Variants in ZWILCH observed in about 807,000 individuals in gnomAD.
The protein encoded by ZWILCH is zwilch kinetochore protein, also known as protein zwilch homolog.
A neutral mutation model predicts 79.9 loss-of-function variants in ZWILCH; 74 were observed. The observed-to-expected ratio is 0.93, with a 90% CI of 0.77 to 1.12. The LOEUF (loss-of-function observed/expected upper bound fraction) is 1.12, where lower values mean the gene tolerates loss of function less well. Among genes scored for constraint, ZWILCH ranks in the 50% most tolerant of loss-of-function variants. ZWILCH has a pLI of 0.00. For synonymous variants in ZWILCH, 241 were observed against 228.2 expected (o/e 1.06, Z -0.51); for missense variants, 694 against 687.5 (o/e 1.01, Z -0.11).
At chr15:66,511,698 C>T (rs1894073270) in intron 2 of ZWILCH, among the ~76,000 whole-genome samples, 1 of 151,970 alleles carries the variant, frequency 6.6e-6, no homozygotes, top group Non-Finnish European at 1.5e-5. Flanking sequence ...TTCACTGTAC[C>T]TCTGCCTCCC....
In ZWILCH at chr15:66,508,903, T is replaced by A. The variant is rs746605701; in HGVS notation, c.105+11T>A. 1 of 1,612,920 alleles carries A rather than the reference T, an allele frequency of 6.2e-7. No homozygotes were observed. The highest frequency in any genetic ancestry group is 1.7e-5 in the Admixed American group (1 of 59,710). ...CCATTTCTCTATGAGGTATGAACAATTTGGTTTTTAAACACAACTCTAATC... is the reference window on the plus strand; with the variant it reads ...CCATTTCTCTATGAGGTATGAACAAATTGGTTTTTAAACACAACTCTAATC... On this transcript the variant is annotated intron_variant, in intron 2 of 18. Transcript: ENST00000307897.
chr15:66,512,019 C>G (rs544249579), intron 2 of ZWILCH, among the ~76,000 whole-genome samples: 1 of 152,030 alleles, frequency 6.6e-6, no homozygotes, highest in South Asian at 2.1e-4. Context: ...AGGTATTAAT[C>G]TTAAGAAAAT....
intron 13 of ZWILCH, 61 bp downstream of exon 13, chr15:66,532,464 T>G (rs1894886399): frequency 2.8e-6 from 4 of 1,435,040 alleles, no homozygotes; most frequent in Non-Finnish European, 2.8e-6. Flanking sequence ...GTCACAGATA[T>G]TCTCGGATTT....
chr15:66,546,737 A>G, intron 18 of ZWILCH, 32 bp downstream of exon 18: 1 of 1,275,686 alleles, frequency 7.8e-7, no homozygotes, highest in South Asian at 1.4e-5. Context: ...TCTCTTTGTC[A>G]AATACTTTGT....
chr15:66,532,378 G>A lies in ZWILCH; in HGVS notation c.1287G>A (p.Lys429=). Residue 429 remains lysine (K), a synonymous_variant, in exon 13 of 19, where the codon AAG becomes AAA. Coordinates refer to ENST00000307897, the MANE Select transcript of ZWILCH (RefSeq NM_017975.5). ...MLLEIGLDKL[K]KDYISFFIGQ... ...TGGAAATTGGTTTGGACAAACTAAAGAAAGATTATATCAGTTTTTTCATAG... is the reference window on the plus strand; with the variant it reads ...TGGAAATTGGTTTGGACAAACTAAAAAAAGATTATATCAGTTTTTTCATAG... The A allele has an allele frequency of 6.2e-7, 1 of 1,608,442 alleles. No individual in the cohort carries two copies. The highest frequency in any genetic ancestry group is 1.1e-5 in the South Asian group (1 of 89,824).
intron 16 of ZWILCH, 31 bp from the exon 17 acceptor site, chr15:66,540,067 T>A (rs753951567): frequency 6.4e-7 from 1 of 1,558,136 alleles, no homozygotes; most frequent in South Asian, 1.1e-5. Flanking sequence ...TTTTTGAAAA[T>A]TTTTCTTTTG....
chr15:66,517,029 A>G (rs1894288299), intron 4 of ZWILCH, among the ~76,000 whole-genome samples: 1 of 152,138 alleles, frequency 6.6e-6, no homozygotes, highest in Non-Finnish European at 1.5e-5. Flanking sequence ...AATCCCCTAG[A>G]AATTTTTTTC....
chr15:66,522,546 G>A (rs781712439), intron 7 of ZWILCH, among the ~76,000 whole-genome samples: 7 of 151,836 alleles, frequency 4.6e-5, no homozygotes, highest in Non-Finnish European at 8.8e-5. Context: ...CACCATGTTG[G>A]CCAGGCTGGT....
chr15:66,536,240 C>T (rs1308284558), intron 15 of ZWILCH, among the ~76,000 whole-genome samples, 171 bp downstream of exon 15: 1 of 152,168 alleles, frequency 6.6e-6, no homozygotes, highest in Non-Finnish European at 1.5e-5. Context: ...GCTTTGGATT[C>T]AAAAGGAATC....
At chr15:66,543,035 C>A (rs1007470392) in intron 17 of ZWILCH, among the ~76,000 whole-genome samples, 3 of 151,926 alleles carry the variant, frequency 2.0e-5, no homozygotes, top group African/African-American at 7.3e-5. Flanking sequence ...TAGTACCCAT[C>A]AAAATTGTAA....
chr15:66,508,744 AG>A, intron 1 of ZWILCH, 96 bp from the exon 2 acceptor site: 2 of 1,554,318 alleles, frequency 1.3e-6, no homozygotes, highest in East Asian at 4.6e-5. Context: ...CCTTTCCTAT[AG>A]GTGTCCTGCA....
chr15:66,509,850 T>C (rs1484952239), intron 2 of ZWILCH, among the ~76,000 whole-genome samples: 2 of 96,464 alleles, frequency 2.1e-5, no homozygotes, highest in African/African-American at 7.1e-5. Context: ...TATATATATA[T>C]ATATATATAT....
intron 18 of ZWILCH, 96 bp downstream of exon 18, chr15:66,546,801 T>A: frequency 1.9e-6 from 1 of 539,164 alleles, no homozygotes; most frequent in South Asian, 3.4e-5. Context: ...ATTTGCTACA[T>A]TAGGAATAGG....
intron 16 of ZWILCH, among the ~76,000 whole-genome samples, chr15:66,538,453 G>A (rs917396126): frequency 6.6e-6 from 1 of 151,754 alleles, no homozygotes; most frequent in Admixed American, 6.6e-5. Context: ...CGCAATCTCA[G>A]CTCACTGCAA....
At chr15:66,527,942 C>T (rs372610353) in intron 10 of ZWILCH, 30 bp downstream of exon 10, 2 of 1,553,308 alleles carry the variant, frequency 1.3e-6, no homozygotes, top group African/African-American at 1.4e-5. Flanking sequence ...TAGAAATATA[C>T]ACAGAAATAG....
At position 66,509,822 on chromosome 15, in the gene ZWILCH, C is replaced by CAT. The variant is rs201725734; in HGVS notation, c.105+977_105+978dup. Among the ~76,000 whole-genome samples the CAT allele has an allele frequency of 6.1e-4, 54 of 88,954 alleles. 1 individual carries two copies. The highest frequency in any genetic ancestry group is 1.2e-3 in the South Asian group (3 of 2,502). 58.4% of individuals were successfully genotyped at this position (88,954 alleles called of 152,430 possible). ...CTATAATTATGTGTGTGTGTGGCTA[C>CAT]ATATATATATATATATATATATATA... is the stretch of plus-strand genomic sequence containing the variant. On this transcript the variant is annotated intron_variant, in intron 2 of 18. Transcript: ENST00000307897.
intron 2 of ZWILCH, among the ~76,000 whole-genome samples, chr15:66,511,494 C>CAAA (rs368695686): frequency 3.5e-5 from 3 of 86,308 alleles, no homozygotes; most frequent in African/African-American, 9.6e-5. Flanking sequence ...GCCTGTCTTC[C>CAAA]AAAAAAAAAA....
chr15:66,532,975 T>C lies in ZWILCH; in HGVS notation c.1313-10T>C. 6.4e-7 allele frequency: 1 copy of C among 1,558,398 alleles called. No homozygotes were observed. Among genetic ancestry groups the C allele is most frequent in the Non-Finnish European group, 8.7e-7 (1 of 1,149,194 alleles). Reference sequence around the variant, plus strand: ...AAGTGTTTTTGCATGTATGTGTTTTTTCTTAATAGGTCAGGAACTTGCATC... The same window carrying C: ...AAGTGTTTTTGCATGTATGTGTTTTCTCTTAATAGGTCAGGAACTTGCATC... On this transcript the variant is annotated splice_polypyrimidine_tract_variant and intron_variant, in intron 13 of 18. Coordinates refer to ENST00000307897, the MANE Select transcript of ZWILCH (RefSeq NM_017975.5).
chr15:66,517,043 G>C (rs1428067170), intron 4 of ZWILCH, among the ~76,000 whole-genome samples: 1 of 151,624 alleles, frequency 6.6e-6, no homozygotes, highest in Non-Finnish European at 1.5e-5. Context: ...TTTTTTCCTG[G>C]ACATCTGTTG....
Sources: allele counts gnomAD v4.1 joint callset (sites outside exome capture counted in the v4.1 genomes callset), GRCh38; gene constraint gnomAD v4.1.1; transcripts MANE v1.5; gene names NCBI Gene and HGNC (gene_info 2026-07-23, HGNC 2026-07-21).